The following TLN2 variants were observed in gnomAD, a reference collection of about 807,000 sequenced individuals.
TLN2 encodes talin-2.
In TLN2, 118 loss-of-function variants were observed where a neutral mutation model predicts 294.7. That is an observed-to-expected ratio of 0.40 (90% CI 0.34 to 0.47). The LOEUF is 0.47. TLN2 is among the 20% of genes least tolerant of loss of function. The pLI is 0.84. For missense variants in TLN2, 3,083 were observed against 3,282.2 expected (o/e 0.94, Z 1.48); for synonymous variants, 1,431 against 1,304.5 (o/e 1.10, Z -2.09).
intron 1 of TLN2, among the ~76,000 whole-genome samples, chr15:62,400,077 G>A (rs1425401677): frequency 2.6e-5 from 4 of 152,192 alleles, no homozygotes; most frequent in Non-Finnish European, 4.4e-5. Flanking sequence ...GGCGGTTACC[G>A]CCATGCTGTT....
intron 28 of TLN2, among the ~76,000 whole-genome samples, chr15:62,730,997 CA>C (rs2060694366): frequency 6.6e-6 from 1 of 152,128 alleles, no homozygotes; most frequent in Admixed American, 6.5e-5. Flanking sequence ...TTTTTCTTTT[CA>C]TGCTTTAATC....
chr15:62,588,300 A>T (rs560381952), intron 1 of TLN2, among the ~76,000 whole-genome samples: 1 of 152,038 alleles, frequency 6.6e-6, no homozygotes, highest in East Asian at 1.9e-4. Flanking sequence ...GGGAATATTA[A>T]TTTTCTTGTT....
At chr15:62,587,250 C>T (rs1005095367) in intron 1 of TLN2, among the ~76,000 whole-genome samples, 3 of 152,276 alleles carry the variant, frequency 2.0e-5, no homozygotes, top group East Asian at 3.9e-4. Flanking sequence ...ACATTGATAT[C>T]GTGTATTCCT....
intron 54 of TLN2, among the ~76,000 whole-genome samples, chr15:62,827,419 C>T (rs2068319129): frequency 1.3e-5 from 2 of 152,158 alleles, no homozygotes; most frequent in Admixed American, 1.3e-4. Context: ...TTGGAACTGT[C>T]CATGTCTAGG....
chr15:62,715,551 G>A (rs532953551), intron 22 of TLN2, among the ~76,000 whole-genome samples: 1 of 152,282 alleles, frequency 6.6e-6, no homozygotes, highest in Non-Finnish European at 1.5e-5. Flanking sequence ...CCCTGCTTCA[G>A]AATCCCACCC....
At chr15:62,587,481 A>G (rs1313531903) in intron 1 of TLN2, among the ~76,000 whole-genome samples, 1 of 152,262 alleles carries the variant, frequency 6.6e-6, no homozygotes, top group Non-Finnish European at 1.5e-5. Flanking sequence ...ATGGTCATTT[A>G]CCTATTTTAT....
chr15:62,778,776 T>C (rs1435095480), intron 43 of TLN2, among the ~76,000 whole-genome samples: 1 of 152,248 alleles, frequency 6.6e-6, no homozygotes, highest in Admixed American at 6.5e-5. Context: ...GGCCAGGAGC[T>C]GTTCTTCCCC....
At chr15:62,462,613 C>G (rs933030786) in intron 1 of TLN2, among the ~76,000 whole-genome samples, 1 of 152,150 alleles carries the variant, frequency 6.6e-6, no homozygotes, top group African/African-American at 2.4e-5. Context: ...AGAGGGGACC[C>G]CTGTTTTTAG....
intron 10 of TLN2, 144 bp downstream of exon 10, chr15:62,674,034 G>C: frequency 1.8e-6 from 1 of 570,102 alleles, no homozygotes; most frequent in Middle Eastern, 3.4e-4. Flanking sequence ...GAGTATAGAA[G>C]CTGACAGTCC....
At chr15:62,497,792 T>A (rs914451979) in intron 1 of TLN2, among the ~76,000 whole-genome samples, 1 of 152,172 alleles carries the variant, frequency 6.6e-6, no homozygotes, top group South Asian at 2.1e-4. Context: ...AAGAATGATT[T>A]CCAGTGCTTG....
At chr15:62,479,705 C>T (rs1464476922) in intron 1 of TLN2, among the ~76,000 whole-genome samples, 1 of 152,114 alleles carries the variant, frequency 6.6e-6, no homozygotes, top group African/African-American at 2.4e-5. Flanking sequence ...AGGCTGGTCT[C>T]GAATTCCTGG....
rs532320442 is a variant in TLN2, at chr15:62,508,790, T to G, written c.-237-80897T>G. 5.9e-5 allele frequency among the ~76,000 whole-genome samples: 9 copies of G among 152,218 alleles called. No individual in the cohort carries two copies. The South Asian group carries it at 1.9e-3, about 32-fold the overall frequency. On this transcript the variant is annotated intron_variant, in intron 1 of 58. Transcript: ENST00000636159. Reference sequence around the variant, plus strand: ...GATTCATGTTTCTCTATTTACGTTTTTGTGTGTGTGTGTAATGTTACTTTT... The same window carrying G: ...GATTCATGTTTCTCTATTTACGTTTGTGTGTGTGTGTGTAATGTTACTTTT...
chr15:62,762,239 C>A, intron 38 of TLN2, 33 bp from the exon 39 acceptor site: 1 of 1,612,384 alleles, frequency 6.2e-7, no homozygotes. Flanking sequence ...TGTCTTCGAC[C>A]CTGACTTTGA....
chr15:62,460,369 A>G (rs958222642), intron 1 of TLN2, among the ~76,000 whole-genome samples: 15 of 151,860 alleles, frequency 9.9e-5, no homozygotes, highest in Non-Finnish European at 1.8e-4. Flanking sequence ...GGTTCAAGCA[A>G]TTCTCCTGCC....
intron 1 of TLN2, among the ~76,000 whole-genome samples, chr15:62,477,661 A>G (rs2037846864): frequency 6.6e-6 from 1 of 152,180 alleles, no homozygotes; most frequent in South Asian, 2.1e-4. Flanking sequence ...ATTTCTGAAA[A>G]TACTGCGGAT....
chr15:62,697,988 GCCTC>G, intron 15 of TLN2, 120 bp downstream of exon 15: 1 of 1,257,926 alleles, frequency 7.9e-7, no homozygotes, highest in Non-Finnish European at 1.1e-6. Flanking sequence ...GCTGAACCAT[GCCTC>G]GTTCAGCTGT....
At chr15:62,641,572 G>A (rs1007746936) in intron 3 of TLN2, among the ~76,000 whole-genome samples, 9 of 152,106 alleles carry the variant, frequency 5.9e-5, no homozygotes, top group East Asian at 3.9e-4. Context: ...GCAGTGACCC[G>A]AGATTGCGCC....
chr15:62,809,360 A>T (rs997788488), intron 51 of TLN2, among the ~76,000 whole-genome samples: 3 of 152,192 alleles, frequency 2.0e-5, no homozygotes, highest in Non-Finnish European at 4.4e-5. Context: ...GTATAATATG[A>T]GATGAGTTAT....
intron 11 of TLN2, among the ~76,000 whole-genome samples, chr15:62,679,364 ACAACG>A (rs1467615223): frequency 1.3e-5 from 2 of 152,264 alleles, no homozygotes; most frequent in Non-Finnish European, 2.9e-5. Flanking sequence ...AAGAAACAAC[ACAACG>A]CATCACCTGA....
Sources: gnomAD v4.1 joint callset for allele counts (sites outside exome capture counted in the v4.1 genomes callset) on GRCh38, gnomAD v4.1.1 for gene constraint, MANE v1.5 for transcripts, NCBI Gene and HGNC (gene_info 2026-07-23, HGNC 2026-07-21) for gene names.